Variants in JAK2 observed in about 807,000 individuals in gnomAD.
JAK2 encodes Janus kinase 2.
JAK2 carries 86 observed loss-of-function variants against 139.3 expected under a neutral mutation model. The observed-to-expected ratio is 0.62, with a 90% CI of 0.52 to 0.74. JAK2 has a LOEUF of 0.74. Among genes scored for constraint, JAK2 ranks in the 30% least tolerant of loss-of-function variants. The probability of loss-of-function intolerance (pLI) is 0.00; values close to 1 mark genes in which losing one functional copy is unlikely to be tolerated. For synonymous variants in JAK2, 490 were observed against 437.7 expected (o/e 1.12, Z -1.49); for missense variants, 1,421 against 1,360.3 (o/e 1.04, Z -0.70).
At chr9:5,014,400 C>G (rs1332915047) in intron 2 of JAK2, among the ~76,000 whole-genome samples, 5 of 152,148 alleles carry the variant, frequency 3.3e-5, no homozygotes, top group Non-Finnish European at 7.3e-5. Flanking sequence ...CAACAACTTT[C>G]ATGTGTCAGA....
rs151080521 is a variant in JAK2 at position 5,090,644 on chromosome 9, G to A, written c.2886+74G>A. The A allele has an allele frequency of 6.0e-4, 913 of 1,512,608 alleles. 7 individuals are homozygous for A. In the African/African-American group the frequency reaches 0.011, roughly 19 times the overall value. The allele number at this position is 1,512,608 out of a possible 1,614,324, so 93.7% of individuals were successfully genotyped here. A position where few individuals can be genotyped will look rare whatever the true frequency, so the allele number is the denominator to read the frequency against. ...GTAGACATTAGGAAATCATCTAGAC[G>A]TTTTCATAGATAATAAAGGGAATAT... On this transcript the variant is annotated intron_variant, in intron 21 of 24. Coordinates refer to ENST00000381652, the MANE Select transcript of JAK2 (RefSeq NM_004972.4).
At chr9:5,106,556 A>G (rs914219866) in intron 22 of JAK2, among the ~76,000 whole-genome samples, 1 of 152,208 alleles carries the variant, frequency 6.6e-6, no homozygotes, top group African/African-American at 2.4e-5. Context: ...CTGGGTATAC[A>G]CCCAAAGGAT....
chr9:5,065,373 C>A (rs920277629), intron 9 of JAK2, among the ~76,000 whole-genome samples: 2 of 152,114 alleles, frequency 1.3e-5, no homozygotes, highest in African/African-American at 4.8e-5. Context: ...AGCCACAGTG[C>A]AAAATTTGAA....
chr9:5,103,774 C>T (rs74631653), intron 22 of JAK2, among the ~76,000 whole-genome samples: 4 of 152,044 alleles, frequency 2.6e-5, no homozygotes, highest in East Asian at 3.8e-4. Flanking sequence ...CACTCAAAAC[C>T]GCACAACTTC....
At position 5,127,909 on chromosome 9, in the gene JAK2, TGTTA is replaced by T. The variant is rs955338741; in HGVS notation, c.*1119_*1122del. ...AGGTAAATAAGTAAAAAAGTATGCT[TGTTA>T]ATTTTATTCAAGAATGCCAGTAGAA... On this transcript the variant is annotated 3_prime_UTR_variant, in exon 25 of 25. Coordinates refer to ENST00000381652, the MANE Select transcript of JAK2 (RefSeq NM_004972.4). 1 of 232,358 alleles carries T rather than the reference TGTTA, an allele frequency of 4.3e-6. No individual in the cohort carries two copies. The highest frequency in any genetic ancestry group is 2.2e-5 in the African/African-American group (1 of 45,268). The allele number at this position is 232,358 out of a possible 1,614,324, so 14.4% of individuals were successfully genotyped here.
intron 14 of JAK2, among the ~76,000 whole-genome samples, chr9:5,076,521 A>G (rs1261202278): frequency 2.6e-5 from 4 of 152,100 alleles, no homozygotes; most frequent in African/African-American, 7.2e-5. Flanking sequence ...AAAAAGATAT[A>G]TTCTTTGTTT....
chr9:5,123,833 T>C (rs773473917), intron 23 of JAK2, among the ~76,000 whole-genome samples: 3 of 151,110 alleles, frequency 2.0e-5, no homozygotes, highest in Admixed American at 6.6e-5. Flanking sequence ...CTCTCTCTCA[T>C]TTTTTTTTCC....
intron 19 of JAK2, among the ~76,000 whole-genome samples, chr9:5,087,522 T>G (rs1820226624): frequency 6.6e-6 from 1 of 152,240 alleles, no homozygotes; most frequent in Non-Finnish European, 1.5e-5. Flanking sequence ...CCCTTCTGGT[T>G]TTCTATCTTA....
chr9:5,064,214 C>T (rs1586727607), intron 8 of JAK2, among the ~76,000 whole-genome samples: 1 of 151,894 alleles, frequency 6.6e-6, no homozygotes, highest in Non-Finnish European at 1.5e-5. Flanking sequence ...TAGTTTGTAG[C>T]ATGAATACTT....
intron 22 of JAK2, among the ~76,000 whole-genome samples, chr9:5,092,629 G>A (rs1451552875): frequency 6.6e-6 from 1 of 152,138 alleles, no homozygotes; most frequent in East Asian, 1.9e-4. Flanking sequence ...GCAAAGACAA[G>A]CCCTTATACC....
At chr9:5,112,696 G>C in intron 22 of JAK2, 1 of 897,224 alleles carries the variant, frequency 1.1e-6, no homozygotes, top group Non-Finnish European at 1.6e-6. Flanking sequence ...TGAATTTGGA[G>C]CAGCAAGTGC....
intron 2 of JAK2, among the ~76,000 whole-genome samples, chr9:5,010,768 G>T (rs1821650419): frequency 6.6e-6 from 1 of 152,070 alleles, no homozygotes; most frequent in Non-Finnish European, 1.5e-5. Context: ...TTCTTTATCA[G>T]TTCTTGAGTG....
In JAK2 at chr9:5,127,055, C is replaced by T; in HGVS notation, c.*264C>T. ...CATTGTCAGTTAACATCACTCTTGT[C>T]TGGCAAAAGAAAAAAAATAGACTTT... On this transcript the variant is annotated 3_prime_UTR_variant, in exon 25 of 25. Coordinates refer to ENST00000381652, the MANE Select transcript of JAK2 (RefSeq NM_004972.4). The T allele has an allele frequency of 7.4e-6, 2 of 270,782 alleles. No individual in the cohort carries two copies. The highest frequency in any genetic ancestry group is 1.4e-5 in the Non-Finnish European group (2 of 142,762). 16.8% of individuals were successfully genotyped at this position (270,782 alleles called of 1,614,324 possible).
rs777670635 is a variant in JAK2 at position 5,065,047 on chromosome 9, A to T, written c.1214+7A>T. ...ACTGTCATGGCCCAATTTCGTGAGT[A>T]ATACAGACTTAAAAGTAAATTTTTA... is the stretch of plus-strand genomic sequence containing the variant. On this transcript the variant is annotated splice_region_variant and intron_variant, in intron 9 of 24. Coordinates refer to ENST00000381652, the MANE Select transcript of JAK2 (RefSeq NM_004972.4). 18 of 1,534,538 alleles carry T rather than the reference A, an allele frequency of 1.2e-5. No individual in the cohort carries two copies. In the South Asian group the frequency reaches 2.2e-4, roughly 19 times the overall value.
intron 19 of JAK2, chr9:5,085,147 T>C (rs918488644): frequency 3.1e-6 from 2 of 646,590 alleles, no homozygotes; most frequent in African/African-American, 3.6e-5. Flanking sequence ...TAATACATAC[T>C]GTGGAGCTCT....
In JAK2 at chr9:5,073,680, A is replaced by G; in HGVS notation, c.1777-18A>G. The stretch of plus-strand genomic sequence containing the variant: ...CAACAGTCAAACAACAATTCTTTGT[A>G]CTTTTTTTTTTCCTTAGTCTTTCTT... On this transcript the variant is annotated intron_variant, in intron 13 of 24. Transcript: ENST00000381652. The G allele has an allele frequency of 6.5e-7, 1 of 1,530,968 alleles. No homozygotes were observed. The highest frequency in any genetic ancestry group is 9.0e-7 in the Non-Finnish European group (1 of 1,110,626). The allele number at this position is 1,530,968 out of a possible 1,614,324, so 94.8% of individuals were successfully genotyped here. A position where few individuals can be genotyped will look rare whatever the true frequency, so the allele number is the denominator to read the frequency against.
At chr9:5,049,788 G>C (rs1436124933) in intron 5 of JAK2, among the ~76,000 whole-genome samples, 1 of 152,130 alleles carries the variant, frequency 6.6e-6, no homozygotes, top group African/African-American at 2.4e-5. Flanking sequence ...ATATGTTATA[G>C]CCTAGTATAT....
At chr9:4,989,147 A>G (rs1820114080) in intron 2 of JAK2, among the ~76,000 whole-genome samples, 1 of 152,192 alleles carries the variant, frequency 6.6e-6, no homozygotes, top group Non-Finnish European at 1.5e-5. Context: ...GACTTTTAAG[A>G]TAGTCTATTA....
rs74988555 is a variant in JAK2 at position 4,990,114 on chromosome 9, T to C, written c.-26+4092T>C. Reference sequence around the variant, plus strand: ...AGATTGCAGAGATGTCACAAGACATTATTATGGATTGGATAAGAAGGGAGA... The same window carrying C: ...AGATTGCAGAGATGTCACAAGACATCATTATGGATTGGATAAGAAGGGAGA... On this transcript the variant is annotated intron_variant, in intron 2 of 24. Coordinates refer to ENST00000381652, the MANE Select transcript of JAK2 (RefSeq NM_004972.4). 2.6e-3 allele frequency among the ~76,000 whole-genome samples: 391 copies of C among 152,262 alleles called. 2 individuals carry two copies. Among genetic ancestry groups the C allele is most frequent in the East Asian group, 0.02 (104 of 5,182 alleles).
Sources: gnomAD v4.1 joint callset for allele counts (sites outside exome capture counted in the v4.1 genomes callset) on GRCh38, gnomAD v4.1.1 for gene constraint, MANE v1.5 for transcripts, NCBI Gene and HGNC (gene_info 2026-07-23, HGNC 2026-07-21) for gene names.